The following ARHGEF12 variants were observed in gnomAD, a reference collection of about 807,000 sequenced individuals.
ARHGEF12 encodes the protein KMT2A/ARHGEF12 fusion protein.
ARHGEF12 carries 66 observed loss-of-function variants against 211.2 expected under a neutral mutation model. The observed-to-expected ratio is 0.31, with a 90% CI of 0.26 to 0.38. The LOEUF (loss-of-function observed/expected upper bound fraction) is 0.38, where lower values mean the gene tolerates loss of function less well. Among genes scored for constraint, ARHGEF12 ranks in the 10% least tolerant of loss-of-function variants. The pLI is 1.00. For missense variants in ARHGEF12, 1,429 were observed against 1,869.5 expected (o/e 0.76, Z 4.34); for synonymous variants, 592 against 638.4 (o/e 0.93, Z 1.09).
At chr11:120,342,647 T>C (rs1942570110) in intron 1 of ARHGEF12, among the ~76,000 whole-genome samples, 1 of 152,078 alleles carries the variant, frequency 6.6e-6, no homozygotes, top group Non-Finnish European at 1.5e-5. Context: ...TTTGATTCAC[T>C]TTTATTTTAG....
rs575494638 is a variant in ARHGEF12, at chr11:120,431,742, T to A, written c.784-29T>A. 13 of 1,550,972 alleles carry A rather than the reference T, an allele frequency of 8.4e-6. No homozygotes were observed. In the Middle Eastern group the frequency reaches 5.2e-4, roughly 62 times the overall value. ...GAAAGTTTTCTTTTATGTGTTTGTG[T>A]GCGCGTGTTTTTCTTTCATCTGTTT... On this transcript the variant is annotated intron_variant, in intron 10 of 40. Transcript: ENST00000397843.
intron 5 of ARHGEF12, among the ~76,000 whole-genome samples, chr11:120,421,167 A>G (rs1481104136): frequency 1.3e-5 from 2 of 152,252 alleles, no homozygotes; most frequent in Non-Finnish European, 2.9e-5. Context: ...TTTGGCAAAG[A>G]CAGATTAAAG....
At chr11:120,437,423 T>C (rs1206199432) in intron 12 of ARHGEF12, 41 bp downstream of exon 12, 1 of 1,510,796 alleles carries the variant, frequency 6.6e-7, no homozygotes, top group Non-Finnish European at 9.1e-7. Flanking sequence ...TGTCTTTGGC[T>C]TTCCTTATAC....
chr11:120,427,746 T>C (rs982138021), intron 7 of ARHGEF12, among the ~76,000 whole-genome samples: 4 of 152,066 alleles, frequency 2.6e-5, no homozygotes, highest in Non-Finnish European at 4.4e-5. Flanking sequence ...ATGGTTGATT[T>C]TAACACTCCT....
chr11:120,440,336 A>C, intron 13 of ARHGEF12, 115 bp downstream of exon 13: 1 of 884,496 alleles, frequency 1.1e-6, no homozygotes, highest in Non-Finnish European at 1.8e-6. Flanking sequence ...TTTGAAGCTA[A>C]ATCTTAGAAC....
At chr11:120,447,849 T>A (rs1214382608) in intron 18 of ARHGEF12, 25 bp from the exon 19 acceptor site, 4 of 1,504,090 alleles carry the variant, frequency 2.7e-6, no homozygotes, top group Admixed American at 2.1e-5. Flanking sequence ...ATTTCATTTT[T>A]AAATTTTTTT....
rs1947469838 is a variant in ARHGEF12, at chr11:120,489,049, A to G, written c.*3972A>G. On this transcript the variant is annotated 3_prime_UTR_variant, in exon 41 of 41. Coordinates refer to ENST00000397843, the MANE Select transcript of ARHGEF12 (RefSeq NM_015313.3). ...AAAGGAACCAAGCATGTGACTTTTT[A>G]TTTGTATTCTGGTTGATTTGTCTTG... 4.5e-6 allele frequency: 1 copy of G among 220,848 alleles called. No homozygotes were observed. Among genetic ancestry groups the G allele is most frequent in the South Asian group, 1.8e-4 (1 of 5,422 alleles). 13.7% of individuals were successfully genotyped at this position (220,848 alleles called of 1,614,324 possible).
chr11:120,479,429 C>G (rs1041104527), intron 37 of ARHGEF12, among the ~76,000 whole-genome samples: 3 of 152,178 alleles, frequency 2.0e-5, no homozygotes, highest in African/African-American at 7.2e-5. Flanking sequence ...GTCTGGGTGA[C>G]CTCATAGCAT....
intron 27 of ARHGEF12, among the ~76,000 whole-genome samples, chr11:120,461,862 C>T (rs1946545520): frequency 6.6e-6 from 1 of 152,208 alleles, no homozygotes; most frequent in Non-Finnish European, 1.5e-5. Flanking sequence ...TACCTTCAAA[C>T]TCTTCGTCTG....
intron 39 of ARHGEF12, among the ~76,000 whole-genome samples, chr11:120,482,628 C>T (rs898707935): frequency 4.6e-5 from 7 of 151,848 alleles, no homozygotes; most frequent in African/African-American, 2.4e-5. Flanking sequence ...GCCTGTAGTC[C>T]CAGCTACTCA....
At chr11:120,469,629 A>G (rs548759808) in intron 30 of ARHGEF12, among the ~76,000 whole-genome samples, 1 of 152,298 alleles carries the variant, frequency 6.6e-6, no homozygotes, top group African/African-American at 2.4e-5. Context: ...TTCATTCAGC[A>G]GATATTTATA....
rs552440893 is a variant in ARHGEF12, at chr11:120,337,036, G to A, written c.-208G>A. 5 of 615,760 alleles carry A rather than the reference G, an allele frequency of 8.1e-6. No homozygotes were observed. The highest frequency in any genetic ancestry group is 3.7e-5 in the African/African-American group (2 of 54,084). The allele number at this position is 615,760 out of a possible 1,614,324, so 38.1% of individuals were successfully genotyped here. A position where few individuals can be genotyped will look rare whatever the true frequency, so the allele number is the denominator to read the frequency against. ...ACTGACTCGCTCCCTGGCTTTCTCA[G>A]TTCGTTTTGGGAGATAACTTGTTTT... is the stretch of plus-strand genomic sequence containing the variant. On this transcript the variant is annotated 5_prime_UTR_variant, in exon 1 of 41. Transcript: ENST00000397843.
Position 120,337,062 on chromosome 11 carries a change from G to T in ARHGEF12, c.-182G>T. 1.5e-6 allele frequency: 1 copy of T among 675,866 alleles called. No homozygotes were observed. The allele number at this position is 675,866 out of a possible 1,614,324, so 41.9% of individuals were successfully genotyped here. ...TTCGTTTTGGGAGATAACTTGTTTT[G>T]CTCCAAGCCGCATCCGTTGACCCCT... On this transcript the variant is annotated 5_prime_UTR_variant, in exon 1 of 41. Transcript: ENST00000397843.
chr11:120,382,057 A>C (rs1028829313), intron 1 of ARHGEF12, among the ~76,000 whole-genome samples: 4 of 152,158 alleles, frequency 2.6e-5, no homozygotes, highest in African/African-American at 9.7e-5. Flanking sequence ...CATTGTGTGG[A>C]TGAATCATAA....
intron 1 of ARHGEF12, among the ~76,000 whole-genome samples, chr11:120,363,173 A>G (rs2135373094): frequency 6.6e-6 from 1 of 152,372 alleles, no homozygotes; most frequent in South Asian, 2.1e-4. Context: ...GTACATTTAC[A>G]TAAGTTGAAA....
At chr11:120,416,611 C>T (rs916277820) in intron 4 of ARHGEF12, among the ~76,000 whole-genome samples, 3 of 152,196 alleles carry the variant, frequency 2.0e-5, no homozygotes, top group African/African-American at 7.2e-5. Flanking sequence ...TCCAAAACTA[C>T]TTTCCTTGTT....
Position 120,337,119 on chromosome 11 carries a change from G to A in ARHGEF12, c.-125G>A. The A allele has an allele frequency of 3.4e-6, 4 of 1,190,366 alleles. No homozygotes were observed. Among genetic ancestry groups the A allele is most frequent in the Non-Finnish European group, 5.0e-6 (4 of 803,618 alleles). 73.7% of individuals were successfully genotyped at this position (1,190,366 alleles called of 1,614,324 possible). On this transcript the variant is annotated 5_prime_UTR_variant, in exon 1 of 41. Coordinates refer to ENST00000397843, the MANE Select transcript of ARHGEF12 (RefSeq NM_015313.3). ...CGGATGGTCTAGATGACTGAATGGA[G>A]TTTTGAGTTGGACTTTTGTGTCCCT...
rs986094940 is a variant in ARHGEF12 at position 120,478,194 on chromosome 11, A to G, written c.3571A>G (p.Lys1191Glu). 2 of 1,614,006 alleles carry G rather than the reference A, an allele frequency of 1.2e-6. No homozygotes were observed. Among genetic ancestry groups the G allele is most frequent in the African/African-American group, 2.7e-5 (2 of 74,932 alleles). Reference protein sequence around the residue: ...LGLESTLISSKPQSHSLSTSG... With the variant: ...LGLESTLISSEPQSHSLSTSG... Reference sequence around the variant, plus strand: ...ATTAGAATCTACCTTAATATCGTCAAAACCTCAGTCTCATTCACTGAGTAC... The same window carrying G: ...ATTAGAATCTACCTTAATATCGTCAGAACCTCAGTCTCATTCACTGAGTAC... The change falls in exon 37 of 41, where the codon AAA becomes GAA. Residue 1191 changes from lysine (K) to glutamate (E), a missense_variant. Transcript: ENST00000397843.
At chr11:120,421,517 A>T (rs1245617518) in intron 5 of ARHGEF12, among the ~76,000 whole-genome samples, 1 of 142,408 alleles carries the variant, frequency 7.0e-6, no homozygotes, top group East Asian at 2.1e-4. Context: ...GGCTCACTGC[A>T]ACCTCTGCCT....
Sources: gnomAD v4.1 joint callset for allele counts (sites outside exome capture counted in the v4.1 genomes callset) on GRCh38, gnomAD v4.1.1 for gene constraint, MANE v1.5 for transcripts, NCBI Gene and HGNC (gene_info 2026-07-23, HGNC 2026-07-21) for gene names.